XG: variants seen among roughly 807,000 people sequenced by gnomAD.
XG encodes Xg glycoprotein (Xg blood group).
XG carries 24 observed loss-of-function variants against 25.7 expected under a neutral mutation model. That is an observed-to-expected ratio of 0.93 (90% CI 0.68 to 1.31). XG has a LOEUF of 1.31. Among genes scored for constraint, XG ranks in the 40% most tolerant of loss-of-function variants. XG has a pLI of 0.00. For missense variants in XG, 181 were observed against 187.6 expected (o/e 0.96, Z 0.21); for synonymous variants, 77 against 69.2 (o/e 1.11, Z -0.56).
intron 5 of XG, among the ~76,000 whole-genome samples, chrX:2,790,816 G>T (rs1236062881): frequency 9.0e-6 from 1 of 111,476 alleles, no homozygotes; most frequent in Non-Finnish European, 1.9e-5. Context: ...AAGGCGGGGG[G>T]GTGGTTGGAT....
chrX:2,802,171 T>G lies in XG; in HGVS notation c.374-4530T>G, dbSNP rs1188825287. Among the ~76,000 whole-genome samples, 3 of 111,024 alleles carry G rather than the reference T, an allele frequency of 2.7e-5. No homozygotes were observed. The Admixed American group carries it at 2.9e-4, about 11-fold the overall frequency. ...CAACTGGAGGTTTTGCTTTTTTTTCTTTAAACAGGGTTTCATTTTGTTACC... is the reference window on the plus strand; with the variant it reads ...CAACTGGAGGTTTTGCTTTTTTTTCGTTAAACAGGGTTTCATTTTGTTACC... On this transcript the variant is annotated intron_variant, in intron 7 of 10. Transcript: ENST00000644266.
intron 3 of XG, among the ~76,000 whole-genome samples, chrX:2,777,748 G>A (rs919752500): frequency 2.5e-4 from 38 of 152,142 alleles, no homozygotes; most frequent in Non-Finnish European, 5.3e-4. Flanking sequence ...GTAAAAAGAC[G>A]GAGATGAGAT....
At chrX:2,801,856 C>G (rs369865891) in intron 7 of XG, among the ~76,000 whole-genome samples, 5 of 110,577 alleles carry the variant, frequency 4.5e-5, no homozygotes, top group Non-Finnish European at 9.5e-5. Context: ...CTACAGGCGC[C>G]CGCCACCACG....
chrX:2,814,524 C>A lies in XG; in HGVS notation c.*144C>A, dbSNP rs1603458083. ...CTTCTGTGTAAAGTACATGAGCTGC[C>A]TCACTAAGCATTCCCAACTCATTGA... On this transcript the variant is annotated 3_prime_UTR_variant, in exon 11 of 11. Transcript: ENST00000644266. 2 of 697,834 alleles carry A rather than the reference C, an allele frequency of 2.9e-6. No individual in the cohort carries two copies. The highest frequency in any genetic ancestry group is 7.3e-5 in the East Asian group (2 of 27,352). 57.5% of individuals were successfully genotyped at this position (697,834 alleles called of 1,213,427 possible). A position where few individuals can be genotyped will look rare whatever the true frequency, so the allele number is the denominator to read the frequency against.
At chrX:2,752,431 A>G (rs2050353078) in intron 1 of XG, 96 bp downstream of exon 1, 2 of 1,536,472 alleles carry the variant, frequency 1.3e-6, no homozygotes, top group South Asian at 2.5e-5. Context: ...CTATGAAGTG[A>G]ATGGGGATAA....
At chrX:2,790,732 G>A (rs1449648491) in intron 5 of XG, among the ~76,000 whole-genome samples, 2 of 111,804 alleles carry the variant, frequency 1.8e-5, no homozygotes, top group East Asian at 5.6e-4. Flanking sequence ...CCCAGGAGGC[G>A]GAGGTTGCCT....
intron 3 of XG, chrX:2,774,955 A>G: frequency 1.6e-6 from 1 of 612,562 alleles, no homozygotes; most frequent in Non-Finnish European, 3.0e-6. Flanking sequence ...AGATGGCTAA[A>G]ATCTAAAATG....
At chrX:2,797,608 A>C (rs751037951) in intron 7 of XG, among the ~76,000 whole-genome samples, 35 of 110,353 alleles carry the variant, frequency 3.2e-4, no homozygotes, top group Non-Finnish European at 4.9e-4. Context: ...ACACACACAC[A>C]CCCCTTTAGG....
In XG at chrX:2,769,399, A is replaced by T. The variant is rs191092799; in HGVS notation, c.62-1151A>T. ...CTGACTCTGCTCCTGCCTTGCCCTG[A>T]ACTTCCCAGAACCTCAGTTTCTTCC... On this transcript the variant is annotated intron_variant, in intron 1 of 10. Coordinates refer to ENST00000644266, the MANE Select transcript of XG (RefSeq NM_001141919.2). Among the ~76,000 whole-genome samples, 464 of 152,290 alleles carry T rather than the reference A, an allele frequency of 3.0e-3. 6 individuals carry two copies. The highest frequency in any genetic ancestry group is 0.011 in the African/African-American group (450 of 41,572).
At chrX:2,782,239 C>T in intron 4 of XG, 111 bp downstream of exon 4, 2 of 845,737 alleles carry the variant, frequency 2.4e-6, no homozygotes, top group South Asian at 4.5e-5. Flanking sequence ...TGTAATAGCT[C>T]CCTTACTGGG....
intron 1 of XG, among the ~76,000 whole-genome samples, chrX:2,757,989 AAAAAAAAG>A (rs2050473529): frequency 6.7e-6 from 1 of 148,450 alleles, no homozygotes; most frequent in African/African-American, 2.5e-5. Context: ...AAAAAAAAAA[AAAAAAAAG>A]GAAAAAAAAG....
In XG at chrX:2,764,596, C is replaced by T. The variant is rs1329184318; in HGVS notation, c.62-5954C>T. On this transcript the variant is annotated intron_variant, in intron 1 of 10. Coordinates refer to ENST00000644266, the MANE Select transcript of XG (RefSeq NM_001141919.2). ...TCCCTGTGCCAGCTTTGTAAAACCTCGGAACTTTCCCCTCTGTGGGCTTCC... is the reference window on the plus strand; with the variant it reads ...TCCCTGTGCCAGCTTTGTAAAACCTTGGAACTTTCCCCTCTGTGGGCTTCC... Among the ~76,000 whole-genome samples, 7 of 152,044 alleles carry T rather than the reference C, an allele frequency of 4.6e-5. No individual in the cohort carries two copies. The East Asian group carries it at 9.7e-4, about 21-fold the overall frequency.
intron 1 of XG, among the ~76,000 whole-genome samples, chrX:2,754,365 C>G (rs1200609127): frequency 6.6e-6 from 1 of 152,158 alleles, no homozygotes; most frequent in Non-Finnish European, 1.5e-5. Flanking sequence ...CTCCCCAAAT[C>G]TTGAGATTAC....
intron 7 of XG, among the ~76,000 whole-genome samples, chrX:2,801,900 G>A (rs1331412321): frequency 2.7e-5 from 3 of 109,673 alleles, no homozygotes; most frequent in Non-Finnish European, 5.7e-5. Flanking sequence ...GTAGAGACGG[G>A]GTTTCACCGT....
intron 3 of XG, among the ~76,000 whole-genome samples, chrX:2,781,324 G>T (rs1420730822): frequency 1.3e-5 from 2 of 151,580 alleles, no homozygotes; most frequent in Non-Finnish European, 2.9e-5. Flanking sequence ...GTTTATTGGG[G>T]CTTTGAAGGA....
chrX:2,777,480 C>A (rs2051024379), intron 3 of XG, among the ~76,000 whole-genome samples: 1 of 152,270 alleles, frequency 6.6e-6, no homozygotes, highest in Non-Finnish European at 1.5e-5. Context: ...GTAGTCCCAG[C>A]TACTCAGGAG....
intron 1 of XG, among the ~76,000 whole-genome samples, chrX:2,761,909 C>G (rs2050574306): frequency 6.6e-6 from 1 of 152,162 alleles, no homozygotes; most frequent in Admixed American, 6.5e-5. Flanking sequence ...TTTGGGATTG[C>G]ATTGTAACAA....
intron 1 of XG, among the ~76,000 whole-genome samples, chrX:2,768,193 C>T (rs2050740363): frequency 1.3e-5 from 2 of 152,060 alleles, no homozygotes; most frequent in South Asian, 4.1e-4. Flanking sequence ...GCCGGGTGCA[C>T]AGATTGGAGG....
At chrX:2,776,846 C>T (rs2051009421) in intron 3 of XG, among the ~76,000 whole-genome samples, 1 of 66,594 alleles carries the variant, frequency 1.5e-5, no homozygotes, top group African/African-American at 8.6e-5. Flanking sequence ...GACTCCGTCT[C>T]AACAACAACA....
Sources: gnomAD v4.1 joint callset for allele counts (sites outside exome capture counted in the v4.1 genomes callset) on GRCh38, gnomAD v4.1.1 for gene constraint, MANE v1.5 for transcripts, NCBI Gene and HGNC (gene_info 2026-07-23, HGNC 2026-07-21) for gene names.